The following ATP7A variants were observed in gnomAD, a reference collection of about 807,000 sequenced individuals.
ATP7A encodes the protein ATPase copper transporting alpha, also known as copper-transporting ATPase 1.
A neutral mutation model predicts 83.5 loss-of-function variants in ATP7A; 7 were observed. The observed-to-expected ratio is 0.08, with a 90% CI of 0.05 to 0.16. The LOEUF is 0.16. Among genes scored for constraint, ATP7A ranks in the 10% least tolerant of loss-of-function variants. The pLI is 1.00. For synonymous variants in ATP7A, 354 were observed against 395.2 expected (o/e 0.90, Z 1.24); for missense variants, 940 against 1,120.8 (o/e 0.84, Z 2.30).
intron 1 of ATP7A, among the ~76,000 whole-genome samples, chrX:77,930,616 G>C (rs1254785095): frequency 8.9e-6 from 1 of 111,932 alleles, no homozygotes; most frequent in African/African-American, 3.3e-5. Flanking sequence ...TCCTGAGTTT[G>C]AACTCAGACT....
intron 22 of ATP7A, 150 bp from the exon 23 acceptor site, chrX:78,046,143 GT>G (rs1302489304): frequency 1.6e-6 from 1 of 619,214 alleles, no homozygotes; most frequent in Non-Finnish European, 2.5e-6. Context: ...CACACAATTC[GT>G]TTCAAGCTAT....
At chrX:78,007,557 C>T (rs1376709957) in intron 6 of ATP7A, among the ~76,000 whole-genome samples, 1 of 111,714 alleles carries the variant, frequency 9.0e-6, no homozygotes, top group African/African-American at 3.3e-5. Flanking sequence ...GATCTCCTGA[C>T]CTCGTGATCC....
chrX:77,958,814 A>G (rs1458833889), intron 1 of ATP7A, among the ~76,000 whole-genome samples: 43 of 91,047 alleles, frequency 4.7e-4, no homozygotes, highest in African/African-American at 1.8e-3. Flanking sequence ...TTGGAGACAG[A>G]GTCTCACTCT....
intron 1 of ATP7A, among the ~76,000 whole-genome samples, chrX:77,961,984 AAG>A (rs2077476733): frequency 2.7e-5 from 3 of 112,366 alleles, no homozygotes; most frequent in African/African-American, 9.7e-5. Context: ...CATGGGGGAA[AAG>A]AGATATGGAA....
Position 78,043,678 on chromosome X carries a change from G to A in ATP7A, c.4123+244G>A, listed in dbSNP as rs782218281. Among the ~76,000 whole-genome samples the A allele has an allele frequency of 6.7e-5, 6 of 89,657 alleles. No individual in the cohort carries two copies. In the South Asian group the frequency reaches 3.0e-3, roughly 45 times the overall value. 77.9% of individuals were successfully genotyped at this position (89,657 alleles called of 115,157 possible). A position where few individuals can be genotyped will look rare whatever the true frequency, so the allele number is the denominator to read the frequency against. ...CCAACTTTTTTTTTTTTTTTTTTGA[G>A]ACAGAGTCTCACTCTGTTGCCCAGG... On this transcript the variant is annotated intron_variant, in intron 21 of 22. Transcript: ENST00000341514.
rs191219027 is a variant in ATP7A, at chrX:78,047,471, C to G, written c.*901C>G. The G allele has an allele frequency of 8.9e-6, 1 of 112,215 alleles. No individual in the cohort carries two copies. Among genetic ancestry groups the G allele is most frequent in the East Asian group, 2.8e-4 (1 of 3,606 alleles). The allele number at this position is 112,215 out of a possible 1,213,427, so 9.2% of individuals were successfully genotyped here. On this transcript the variant is annotated 3_prime_UTR_variant, in exon 23 of 23. Transcript: ENST00000341514. The stretch of plus-strand genomic sequence containing the variant: ...AGTCTGGAAACTTAACATTATGAGC[C>G]TTTTCTGCTCAAAAAATTTTCAAAG...
intron 1 of ATP7A, among the ~76,000 whole-genome samples, chrX:77,969,881 AT>A (rs1557229425): frequency 8.9e-6 from 1 of 111,963 alleles, no homozygotes; most frequent in African/African-American, 3.3e-5. Context: ...TGGAGTTTTT[AT>A]TCTAGTGGGA....
At chrX:78,014,781 CTTTT>C in intron 11 of ATP7A, 28 bp downstream of exon 11, 1 of 1,082,450 alleles carries the variant, frequency 9.2e-7, no homozygotes, top group Non-Finnish European at 1.3e-6. Context: ...TCCCTCTTCT[CTTTT>C]TTTAACTTCT....
intron 1 of ATP7A, among the ~76,000 whole-genome samples, chrX:77,913,170 C>G (rs2149037595): frequency 8.9e-6 from 1 of 112,189 alleles, no homozygotes; most frequent in East Asian, 2.8e-4. Flanking sequence ...CTTTATTAAT[C>G]AAGACTTTGG....
intron 1 of ATP7A, among the ~76,000 whole-genome samples, chrX:77,968,029 C>T (rs1412608290): frequency 9.0e-6 from 1 of 110,665 alleles, no homozygotes; most frequent in African/African-American, 3.3e-5. Flanking sequence ...CAGATGAACA[C>T]TGGGCCCATG....
chrX:78,037,825 ATAAAGCTTT>A (rs1188760392), intron 17 of ATP7A, among the ~76,000 whole-genome samples: 4 of 109,753 alleles, frequency 3.6e-5, no homozygotes, highest in African/African-American at 1.3e-4. Context: ...AGTCAAAAGC[ATAAAGCTTT>A]TGACTACCCC....
intron 1 of ATP7A, among the ~76,000 whole-genome samples, chrX:77,931,622 G>A (rs2077276476): frequency 9.2e-6 from 1 of 108,558 alleles, no homozygotes; most frequent in African/African-American, 3.4e-5. Context: ...TCCCGGACGG[G>A]GCGGCTGGCC....
intron 1 of ATP7A, among the ~76,000 whole-genome samples, chrX:77,944,062 C>A (rs1403969703): frequency 8.9e-6 from 1 of 111,961 alleles, no homozygotes; most frequent in Non-Finnish European, 1.9e-5. Context: ...AAATATTTTT[C>A]TATACCCTTG....
intron 12 of ATP7A, among the ~76,000 whole-genome samples, chrX:78,018,304 A>C (rs2077882242): frequency 9.3e-6 from 1 of 107,911 alleles, no homozygotes; most frequent in South Asian, 4.3e-4. Context: ...CTGGAGTTTG[A>C]GACCAGCCTG....
chrX:77,921,969 A>AT (rs1244611348), intron 1 of ATP7A, among the ~76,000 whole-genome samples: 1 of 110,731 alleles, frequency 9.0e-6, no homozygotes, highest in East Asian at 2.9e-4. Flanking sequence ...TAGTTTTTAA[A>AT]TTTTTCGTAG....
chrX:78,035,377 C>G (rs936282704), intron 17 of ATP7A, among the ~76,000 whole-genome samples: 2 of 112,130 alleles, frequency 1.8e-5, no homozygotes, highest in African/African-American at 6.5e-5. Context: ...CACTCTCTAA[C>G]CAGTACCTTT....
chrX:78,031,729 A>G lies in ATP7A; in HGVS notation c.3294+147A>G, dbSNP rs1275087943. 1.4e-5 allele frequency: 9 copies of G among 629,352 alleles called. No individual in the cohort carries two copies. The African/African-American group carries it at 1.5e-4, about 11-fold the overall frequency. 51.9% of individuals were successfully genotyped at this position (629,352 alleles called of 1,213,427 possible). On this transcript the variant is annotated intron_variant, in intron 16 of 22. Coordinates refer to ENST00000341514, the MANE Select transcript of ATP7A (RefSeq NM_000052.7). ...GTATTTTCTCATTTAATTGTATGTA[A>G]CTTATTTCTTCATACAGACAAGTAT...
At chrX:78,028,537 C>A (rs5912562) in intron 14 of ATP7A, among the ~76,000 whole-genome samples, 3,967 of 111,282 alleles carry the variant, frequency 0.036, 78 homozygotes, top group Middle Eastern at 0.06. Context: ...TGAGGTCTTA[C>A]CATGTTGCCC....
At chrX:78,014,777 T>G (rs2077850515) in intron 11 of ATP7A, 24 bp downstream of exon 11, 1 of 1,113,474 alleles carries the variant, frequency 9.0e-7, no homozygotes, top group Non-Finnish European at 1.2e-6. Context: ...CTCTTCCCTC[T>G]TCTCTTTTTT....
Sources: allele counts gnomAD v4.1 joint callset (sites outside exome capture counted in the v4.1 genomes callset), GRCh38; gene constraint gnomAD v4.1.1; transcripts MANE v1.5; gene names NCBI Gene and HGNC (gene_info 2026-07-23, HGNC 2026-07-21).